The following AP1G1 variants were observed in gnomAD, a reference collection of about 807,000 sequenced individuals.
AP1G1 encodes adaptor related protein complex 1 subunit gamma 1, also known as AP-1 complex subunit gamma-1.
In AP1G1, 7 loss-of-function variants were observed where a neutral mutation model predicts 108.3. The observed-to-expected ratio is 0.06, with a 90% CI of 0.04 to 0.12. AP1G1 has a LOEUF of 0.12. AP1G1 is among the 10% of genes least tolerant of loss of function. The probability of loss-of-function intolerance (pLI) is 1.00; values close to 1 mark genes in which losing one functional copy is unlikely to be tolerated. For synonymous variants in AP1G1, 379 were observed against 353.5 expected (o/e 1.07, Z -0.81); for missense variants, 756 against 1,010.7 (o/e 0.75, Z 3.42).
At chr16:71,777,714 C>T (rs1032074767) in intron 2 of AP1G1, 6 of 449,514 alleles carry the variant, frequency 1.3e-5, no homozygotes, top group Non-Finnish European at 2.8e-5. Context: ...TCTTCGGGCC[C>T]GTTCTCCTCC....
intron 10 of AP1G1, among the ~76,000 whole-genome samples, chr16:71,759,677 G>A (rs757500192): frequency 2.7e-4 from 40 of 150,094 alleles, no homozygotes; most frequent in South Asian, 1.3e-3. Context: ...GGAGAATGGC[G>A]TGAACCCAGG....
intron 19 of AP1G1, among the ~76,000 whole-genome samples, chr16:71,741,419 C>T (rs1040988937): frequency 6.6e-6 from 1 of 152,034 alleles, no homozygotes; most frequent in Non-Finnish European, 1.5e-5. Context: ...CCTATCTCTA[C>T]TAAAAATACA....
At chr16:71,767,846 A>C (rs1171298765) in intron 6 of AP1G1, 1 of 1,597,362 alleles carries the variant, frequency 6.3e-7, no homozygotes, top group African/African-American at 1.3e-5. Flanking sequence ...TAATGCCAGC[A>C]TGCACCATCT....
At chr16:71,774,256 T>C in intron 3 of AP1G1, 2 of 500,876 alleles carry the variant, frequency 4.0e-6, no homozygotes, top group South Asian at 2.8e-5. Context: ...CAGGTGCCTA[T>C]AATCCCAGCT....
rs1597047968 is a variant in AP1G1, at chr16:71,753,577, T to C, written c.1284+256A>G. The C allele has an allele frequency of 2.6e-5, 12 of 457,360 alleles. No homozygotes were observed. In the East Asian group the frequency reaches 4.5e-4, roughly 17 times the overall value. 28.3% of individuals were successfully genotyped at this position (457,360 alleles called of 1,614,324 possible). ...GTCTCTTAGGTCTCTACTCAAATGTTATCTCCTCTGAGAGACCTCCCTGAC... is the reference window on the plus strand; with the variant it reads ...GTCTCTTAGGTCTCTACTCAAATGTCATCTCCTCTGAGAGACCTCCCTGAC... On this transcript the variant is annotated intron_variant, in intron 13 of 22. Coordinates refer to ENST00000299980, the MANE Select transcript of AP1G1 (RefSeq NM_001128.6).
intron 11 of AP1G1, among the ~76,000 whole-genome samples, chr16:71,757,938 G>GT (rs1190026252): frequency 6.6e-6 from 1 of 152,146 alleles, no homozygotes; most frequent in Non-Finnish European, 1.5e-5. Flanking sequence ...AGGGATAGAA[G>GT]TAGTTGCTTA....
chr16:71,775,192 A>G (rs915730745), intron 2 of AP1G1, among the ~76,000 whole-genome samples: 1 of 147,632 alleles, frequency 6.8e-6, no homozygotes, highest in Non-Finnish European at 1.5e-5. Context: ...AAACCCAGGT[A>G]ATTTTTTTTT....
chr16:71,763,773 G>A (rs1039787903), intron 9 of AP1G1, among the ~76,000 whole-genome samples: 9 of 152,082 alleles, frequency 5.9e-5, no homozygotes, highest in Non-Finnish European at 1.2e-4. Flanking sequence ...TTTTTACAAG[G>A]CTATAGGCTA....
At chr16:71,784,829 G>C (rs1441612893) in intron 2 of AP1G1, among the ~76,000 whole-genome samples, 1 of 151,338 alleles carries the variant, frequency 6.6e-6, no homozygotes, top group Non-Finnish European at 1.5e-5. Context: ...AAAGTGCCAG[G>C]ATTACAGGCG....
intron 6 of AP1G1, among the ~76,000 whole-genome samples, chr16:71,768,978 C>A (rs868603591): frequency 0.085 from 5,485 of 64,436 alleles, 7 homozygotes; most frequent in Middle Eastern, 0.1. Context: ...AAAAAAAATA[C>A]AAAAAAAAAA....
intron 2 of AP1G1, among the ~76,000 whole-genome samples, chr16:71,785,347 C>T (rs559996783): frequency 6.6e-6 from 1 of 151,842 alleles, no homozygotes; most frequent in East Asian, 1.9e-4. Context: ...GAGGCCAAGA[C>T]GGTGGATCAT....
intron 13 of AP1G1, among the ~76,000 whole-genome samples, chr16:71,750,820 A>C (rs182579243): frequency 2.0e-5 from 3 of 152,080 alleles, no homozygotes; most frequent in Non-Finnish European, 4.4e-5. Context: ...TCTTATTTAA[A>C]TATGTTACAT....
At chr16:71,806,121 C>T (rs185298824) in intron 1 of AP1G1, among the ~76,000 whole-genome samples, 189 of 151,946 alleles carry the variant, frequency 1.2e-3, no homozygotes, top group African/African-American at 4.2e-3. Context: ...TTTAAATAAA[C>T]ACTGGGGTGA....
At chr16:71,739,383 T>G in intron 19 of AP1G1, 42 bp from the exon 20 acceptor site, 1 of 1,248,932 alleles carries the variant, frequency 8.0e-7, no homozygotes, top group Non-Finnish European at 1.1e-6. Flanking sequence ...TTAGGCAGCA[T>G]GACAAAGCTT....
chr16:71,808,287 G>A (rs1194445826), intron 1 of AP1G1: 9 of 883,120 alleles, frequency 1.0e-5, no homozygotes, highest in Non-Finnish European at 1.3e-5. Flanking sequence ...CCGGTTCCGA[G>A]AGGACGGCAC....
intron 1 of AP1G1, chr16:71,807,824 G>T (rs1289222006): frequency 7.8e-7 from 1 of 1,288,988 alleles, no homozygotes; most frequent in African/African-American, 1.5e-5. Context: ...TTTTCTCCAT[G>T]GACAGATTTC....
rs949533215 is a variant in AP1G1, at chr16:71,769,437, T to A, written c.642+186A>T. ...TTCTATTATGAAAGGGAAAACACAA[T>A]ACTAGTGCCAGTTCTCACTTATATG... is the stretch of plus-strand genomic sequence containing the variant. On this transcript the variant is annotated intron_variant, in intron 6 of 22. Coordinates refer to ENST00000299980, the MANE Select transcript of AP1G1 (RefSeq NM_001128.6). 8 of 598,156 alleles carry A rather than the reference T, an allele frequency of 1.3e-5. No individual in the cohort carries two copies. In the African/African-American group the frequency reaches 1.5e-4, roughly 11 times the overall value. 37.1% of individuals were successfully genotyped at this position (598,156 alleles called of 1,614,324 possible).
chr16:71,803,790 T>G (rs2032893356), intron 1 of AP1G1, among the ~76,000 whole-genome samples: 1 of 151,904 alleles, frequency 6.6e-6, no homozygotes, highest in African/African-American at 2.4e-5. Flanking sequence ...CTAGGCATGG[T>G]GGCGCACACC....
At chr16:71,783,263 T>C (rs2032089354) in intron 2 of AP1G1, among the ~76,000 whole-genome samples, 1 of 151,632 alleles carries the variant, frequency 6.6e-6, no homozygotes, top group African/African-American at 2.4e-5. Flanking sequence ...TATAAGGATA[T>C]CAAAGGAAAA....
Sources: gnomAD v4.1 joint callset for allele counts (sites outside exome capture counted in the v4.1 genomes callset) on GRCh38, gnomAD v4.1.1 for gene constraint, MANE v1.5 for transcripts, NCBI Gene and HGNC (gene_info 2026-07-23, HGNC 2026-07-21) for gene names.